The following MAGED1 variants were observed in gnomAD, a reference collection of about 807,000 sequenced individuals.
MAGED1 encodes the protein melanoma-associated antigen D1.
A neutral mutation model predicts 54.1 loss-of-function variants in MAGED1; 3 were observed. That is an observed-to-expected ratio of 0.06 (90% CI 0.03 to 0.14). MAGED1 has a LOEUF of 0.14. Among genes scored for constraint, MAGED1 ranks in the 10% least tolerant of loss-of-function variants. MAGED1 has a pLI of 1.00. For synonymous variants in MAGED1, 217 were observed against 227.3 expected, an observed-to-expected ratio of 0.95 and a Z score of 0.41; for missense variants, 485 against 623.4, an observed-to-expected ratio of 0.78 and a Z score of 2.36.
chrX:51,857,137 C>G (rs907304061), intron 1 of MAGED1: 8 of 111,437 alleles, frequency 7.2e-5, no homozygotes, highest in Non-Finnish European at 1.1e-4. Context: ...AATCATGATG[C>G]CAGTCTTACT....
At chrX:51,808,006 G>A (rs782395091) in intron 1 of MAGED1, among the ~76,000 whole-genome samples, 38 of 111,698 alleles carry the variant, frequency 3.4e-4, no homozygotes, top group African/African-American at 1.2e-3. Flanking sequence ...ATCATGGCAC[G>A]TCACCCTTAA....
Position 51,895,828 on chromosome X carries a change from T to A in MAGED1, c.753+68T>A, listed in dbSNP as rs1237144382. The A allele has an allele frequency of 1.1e-5, 10 of 879,968 alleles. No homozygotes were observed. The East Asian group carries it at 3.4e-4, about 30-fold the overall frequency. The allele number at this position is 879,968 out of a possible 1,213,427, so 72.5% of individuals were successfully genotyped here. A position where few individuals can be genotyped will look rare whatever the true frequency, so the allele number is the denominator to read the frequency against. ...TTTCTTCTCTGAGGGTGTTCATTTG[T>A]TCTAAACAAAACAATGTATGTAACT... On this transcript the variant is annotated intron_variant, in intron 3 of 12. Transcript: ENST00000326587.
At chrX:51,825,039 A>T (rs1426259147) in intron 1 of MAGED1, among the ~76,000 whole-genome samples, 5 of 110,060 alleles carry the variant, frequency 4.5e-5, no homozygotes, top group African/African-American at 1.7e-4. Flanking sequence ...GGGGGCTTGA[A>T]GGATTTAGGG....
upstream of MAGED1, among the ~76,000 whole-genome samples, chrX:51,889,901 A>G (rs928147134): frequency 8.9e-5 from 10 of 112,338 alleles, 1 homozygote; most frequent in Non-Finnish European, 1.3e-4. Context: ...TTCAAACCCT[A>G]TGCTTTCCAA....
chrX:51,871,320 C>T lies in MAGED1; in HGVS notation c.-36-22949C>T, dbSNP rs192253637. Among the ~76,000 whole-genome samples the T allele has an allele frequency of 7.6e-4, 82 of 107,836 alleles. No homozygotes were observed. In the East Asian group the frequency reaches 0.023, roughly 30 times the overall value. 93.6% of individuals were successfully genotyped at this position (107,836 alleles called of 115,157 possible). A position where few individuals can be genotyped will look rare whatever the true frequency, so the allele number is the denominator to read the frequency against. On this transcript the variant is annotated intron_variant, in intron 1 of 12. Coordinates refer to the MAGED1 transcript ENST00000375772. ...TAAGTTATAGGGTACATGTGCACAACGTGCAGGTTTGTTACTTATGTATAC... is the reference window on the plus strand; with the variant it reads ...TAAGTTATAGGGTACATGTGCACAATGTGCAGGTTTGTTACTTATGTATAC...
intron 1 of MAGED1, among the ~76,000 whole-genome samples, chrX:51,813,970 A>G (rs1925315075): frequency 9.0e-6 from 1 of 111,399 alleles, no homozygotes; most frequent in South Asian, 3.8e-4. Context: ...GCCCTGGATC[A>G]TGTGTCTCAG....
intron 1 of MAGED1, among the ~76,000 whole-genome samples, chrX:51,832,117 C>T (rs186651472): frequency 1.2e-4 from 13 of 111,273 alleles, no homozygotes; most frequent in Admixed American, 5.7e-4. Context: ...ACTGCAGCTC[C>T]GCCTTCCGGG....
chrX:51,845,708 T>A (rs1193149755), intron 1 of MAGED1, among the ~76,000 whole-genome samples: 12 of 111,632 alleles, frequency 1.1e-4, no homozygotes, highest in African/African-American at 3.9e-4. Context: ...GATCCTGTAA[T>A]GGGTTGAGAC....
chrX:51,894,546 GA>G (rs1469317541), intron 2 of MAGED1, 197 bp downstream of exon 2: 4 of 924,418 alleles, frequency 4.3e-6, no homozygotes, highest in Middle Eastern at 2.9e-4. Context: ...TGCTCAGAGA[GA>G]GGGGAGACCC....
intron 1 of MAGED1, among the ~76,000 whole-genome samples, chrX:51,867,196 TGGGCCAAAAGTG>T (rs1162486956): frequency 3.6e-5 from 4 of 111,889 alleles, no homozygotes; most frequent in Admixed American, 1.9e-4. Flanking sequence ...CACAAGACTC[TGGGCCAAAAGTG>T]GGCCACTTGA....
intron 1 of MAGED1, among the ~76,000 whole-genome samples, chrX:51,814,267 T>TGCTGCC (rs1371470103): frequency 3.6e-5 from 4 of 111,837 alleles, no homozygotes; most frequent in African/African-American, 6.5e-5. Context: ...TTGCTGCTGC[T>TGCTGCC]GCTGCCGCTG....
intron 1 of MAGED1, among the ~76,000 whole-genome samples, chrX:51,854,136 G>A (rs1300162598): frequency 1.8e-5 from 2 of 111,948 alleles, no homozygotes; most frequent in Admixed American, 1.9e-4. Context: ...TCTCTTGGAA[G>A]CACACACAGT....
intron 1 of MAGED1, among the ~76,000 whole-genome samples, chrX:51,804,613 T>C (rs1569555280): frequency 9.0e-6 from 1 of 111,632 alleles, no homozygotes; most frequent in Non-Finnish European, 1.9e-5. Context: ...TCTTTTAAAC[T>C]ATAGCTGGGA....
intron 1 of MAGED1, among the ~76,000 whole-genome samples, chrX:51,834,080 G>C (rs1308405007): frequency 9.0e-6 from 1 of 111,467 alleles, no homozygotes; most frequent in African/African-American, 3.3e-5. Flanking sequence ...GTTCATCATG[G>C]TATTTGTAAG....
At position 51,901,846 on chromosome X, in the gene MAGED1, C is replaced by T. The variant is rs781941112; in HGVS notation, c.2253C>T (p.Ala751=). ...GCTCCAGATTCCCTCAGACCTTTGC[C>T]GGTCCCATTATTGGTCCTGGTGGTA... ...NARSRFPQTF[A]GPIIGPGGTA... is the part of the protein sequence containing the mutation. The change falls in exon 12 of 13, where the codon GCC becomes GCT. Residue 751 remains alanine (A), a synonymous_variant. Transcript: ENST00000326587. 3.3e-6 allele frequency: 4 copies of T among 1,211,254 alleles called. No individual in the cohort carries two copies. The highest frequency in any genetic ancestry group is 2.2e-5 in the Admixed American group (1 of 45,998).
intron 1 of MAGED1, among the ~76,000 whole-genome samples, chrX:51,804,087 A>G (rs1924951565): frequency 8.9e-6 from 1 of 112,512 alleles, no homozygotes; most frequent in Non-Finnish European, 1.9e-5. Context: ...AGAGCTTTGC[A>G]AGTATTACAC....
At chrX:51,841,578 G>A (rs1197777340) in intron 1 of MAGED1, among the ~76,000 whole-genome samples, 1 of 111,844 alleles carries the variant, frequency 8.9e-6, no homozygotes. Flanking sequence ...GGTCTAACAT[G>A]TAAGTCTTTA....
intron 1 of MAGED1, among the ~76,000 whole-genome samples, chrX:51,863,316 C>A (rs1420713780): frequency 8.9e-6 from 1 of 112,299 alleles, no homozygotes; most frequent in African/African-American, 3.2e-5. Context: ...CAAGGGTGAA[C>A]AATATTCCAT....
At chrX:51,876,267 T>C (rs1204994688) in intron 1 of MAGED1, among the ~76,000 whole-genome samples, 1 of 109,504 alleles carries the variant, frequency 9.1e-6, no homozygotes, top group Non-Finnish European at 1.9e-5. Context: ...TTCAGTTGAC[T>C]TTGTGGATGG....
Sources: allele counts gnomAD v4.1 joint callset (sites outside exome capture counted in the v4.1 genomes callset), GRCh38; gene constraint gnomAD v4.1.1; transcripts MANE v1.5; gene names NCBI Gene and HGNC (gene_info 2026-07-23, HGNC 2026-07-21).